The following SSH2 variants were observed in gnomAD, a reference collection of about 807,000 sequenced individuals.
SSH2 encodes slingshot protein phosphatase 2, also known as protein phosphatase Slingshot homolog 2.
Under a neutral mutation model 135.2 loss-of-function variants are expected in SSH2, and 37 were observed. The ratio of observed to expected loss-of-function variants is 0.27; its 90% CI spans 0.21 to 0.36. SSH2 has a LOEUF of 0.36. SSH2 is among the 10% of genes least tolerant of loss of function. SSH2 has a pLI of 1.00. For missense variants in SSH2, 1,408 were observed against 1,765.3 expected (o/e 0.80, Z 3.63); for synonymous variants, 628 against 646.2 (o/e 0.97, Z 0.43).
At chr17:29,761,446 A>C (rs1175265605) in intron 3 of SSH2, 2 of 996,880 alleles carry the variant, frequency 2.0e-6, no homozygotes, top group Non-Finnish European at 2.4e-6. Context: ...GGGCGTCGCC[A>C]GCAGTTCGCC....
chr17:29,692,918 T>C (rs1474739401), intron 5 of SSH2, among the ~76,000 whole-genome samples: 1 of 152,194 alleles, frequency 6.6e-6, no homozygotes, highest in Non-Finnish European at 1.5e-5. Flanking sequence ...AAGCTCTCCA[T>C]GTGATTCTGA....
Position 29,636,702 on chromosome 17 carries a change from C to T in SSH2, c.1528G>A (p.Asp510Asn). Residue 510 changes from aspartate to asparagine, a missense_variant, in exon 15 of 16, where the codon GAT becomes AAT. Transcript: ENST00000540801. The stretch of plus-strand genomic sequence containing the variant: ...ATCTGGTCTGCTGAGGTGGTGATAT[C>T]CTTCTTGTTGAGTTCTAGCCCAGGT... ...CKPGLELNKK[D>N]ITTSADQIAE... The T allele has an allele frequency of 6.2e-7, 1 of 1,614,066 alleles. No individual in the cohort carries two copies. The highest frequency in any genetic ancestry group is 1.1e-5 in the South Asian group (1 of 91,076).
At chr17:29,880,316 A>G (rs1425530439) in intron 1 of SSH2, among the ~76,000 whole-genome samples, 1 of 152,084 alleles carries the variant, frequency 6.6e-6, no homozygotes. Flanking sequence ...GAGACAAAAT[A>G]TGTTGCCTAG....
chr17:29,673,870 CATA>C (rs1278342402), intron 8 of SSH2: 1 of 312,608 alleles, frequency 3.2e-6, no homozygotes, highest in East Asian at 7.7e-5. Flanking sequence ...TTAATGGTTG[CATA>C]ATATTTAATG....
intron 1 of SSH2, chr17:29,928,655 C>A (rs1024969765): frequency 2.5e-6 from 1 of 397,824 alleles, no homozygotes; most frequent in South Asian, 1.3e-4. Flanking sequence ...AATTTCATCA[C>A]ACAAAATGCA....
intron 9 of SSH2, among the ~76,000 whole-genome samples, chr17:29,667,662 A>G (rs2037334522): frequency 6.6e-6 from 1 of 152,186 alleles, no homozygotes; most frequent in Non-Finnish European, 1.5e-5. Flanking sequence ...TGGTGCCAAA[A>G]AGGCTGGGGA....
chr17:29,735,913 G>A (rs771111492), intron 3 of SSH2, among the ~76,000 whole-genome samples: 4 of 151,468 alleles, frequency 2.6e-5, no homozygotes, highest in Non-Finnish European at 4.4e-5. Context: ...CTTGGACAAC[G>A]TGGAGAAACC....
At chr17:29,666,735 G>C (rs943291933) in intron 11 of SSH2, 132 bp downstream of exon 11, 1 of 788,696 alleles carries the variant, frequency 1.3e-6, no homozygotes, top group African/African-American at 1.8e-5. Flanking sequence ...GATGAGGTTT[G>C]AGTACTTATC....
rs2035645622 is a variant in SSH2, at chr17:29,631,107, T to G, written c.4087A>C (p.Ser1363Arg). 6.2e-7 allele frequency: 1 copy of G among 1,614,238 alleles called. No homozygotes were observed. Among genetic ancestry groups the G allele is most frequent in the Non-Finnish European group, 8.5e-7 (1 of 1,180,040 alleles). ...ACAAGGGGCCTCTCCACTGGCTTGCTCTGCACAATACACTCTGTTGTTGTG... is the reference window on the plus strand; with the variant it reads ...ACAAGGGGCCTCTCCACTGGCTTGCGCTGCACAATACACTCTGTTGTTGTG... ...QLTTTECIVQSKPVERPLVQY... is the reference protein window; with the variant it reads ...QLTTTECIVQRKPVERPLVQY... Residue 1363 changes from serine to arginine, a missense_variant, in exon 16 of 16, where the codon AGC becomes CGC. By Grantham distance (110) the Ser-to-Arg change is moderately radical. Around this residue, in one of 3 missense-constraint regions of SSH2, gnomAD observed 1,080 missense variants for 1,144.5 expected, o/e 0.94. Transcript: ENST00000540801.
At chr17:29,714,855 TTTC>T (rs1318469393) in intron 3 of SSH2, among the ~76,000 whole-genome samples, 1 of 152,050 alleles carries the variant, frequency 6.6e-6, no homozygotes, top group Non-Finnish European at 1.5e-5. Flanking sequence ...TCCTGAATTT[TTTC>T]TTTCTTTTTT....
chr17:29,877,199 T>G (rs555595960), intron 1 of SSH2, among the ~76,000 whole-genome samples: 24 of 152,256 alleles, frequency 1.6e-4, no homozygotes, highest in African/African-American at 5.8e-4. Flanking sequence ...ATAAAATGGC[T>G]TTTATCCAAA....
At chr17:29,899,945 T>C (rs923690776) in intron 1 of SSH2, among the ~76,000 whole-genome samples, 7 of 151,926 alleles carry the variant, frequency 4.6e-5, no homozygotes, top group African/African-American at 1.5e-4. Flanking sequence ...TATAGACCAA[T>C]GGAACAGAAC....
intron 2 of SSH2, among the ~76,000 whole-genome samples, chr17:29,848,040 G>C (rs991604322): frequency 6.6e-6 from 1 of 152,156 alleles, no homozygotes; most frequent in South Asian, 2.1e-4. Context: ...AAAGATTGCT[G>C]TCTAACACCA....
At chr17:29,873,314 C>T (rs1303762644) in intron 1 of SSH2, among the ~76,000 whole-genome samples, 1 of 152,070 alleles carries the variant, frequency 6.6e-6, no homozygotes, top group African/African-American at 2.4e-5. Context: ...AATCCCAGCA[C>T]TTTGGGAGGC....
At chr17:29,900,826 A>C (rs1383762757) in intron 1 of SSH2, among the ~76,000 whole-genome samples, 6 of 152,198 alleles carry the variant, frequency 3.9e-5, no homozygotes, top group Non-Finnish European at 7.3e-5. Context: ...AGACACATGC[A>C]CACGTATGTT....
At chr17:29,780,509 C>G (rs1005844304) in intron 3 of SSH2, 1 of 150,100 alleles carries the variant, frequency 6.7e-6, no homozygotes, top group African/African-American at 2.5e-5. Context: ...ACTGCAACTT[C>G]CGCCTCCCGG....
chr17:29,875,092 ACTGT>A (rs1157574368), intron 1 of SSH2, among the ~76,000 whole-genome samples: 2 of 152,136 alleles, frequency 1.3e-5, no homozygotes, highest in African/African-American at 4.8e-5. Flanking sequence ...TAAGCTGGAG[ACTGT>A]CTGTATATCA....
intron 3 of SSH2, among the ~76,000 whole-genome samples, chr17:29,765,770 A>T (rs2041428789): frequency 6.6e-6 from 1 of 152,122 alleles, no homozygotes; most frequent in Non-Finnish European, 1.5e-5. Flanking sequence ...CTGTAATGTC[A>T]GCATTTTGGG....
chr17:29,657,821 C>G (rs1230899860), intron 11 of SSH2, among the ~76,000 whole-genome samples: 1 of 151,626 alleles, frequency 6.6e-6, no homozygotes, highest in Non-Finnish European at 1.5e-5. Flanking sequence ...GTGATCCTCC[C>G]CACCTTGGCC....
Sources: gnomAD v4.1 joint callset for allele counts (sites outside exome capture counted in the v4.1 genomes callset) on GRCh38, gnomAD v4.1.1 for gene constraint, gnomAD v4.1.1 regional missense constraint, MANE v1.5 for transcripts, NCBI Gene and HGNC (gene_info 2026-07-23, HGNC 2026-07-21) for gene names.